OGDH: variants seen among roughly 807,000 people sequenced by gnomAD.
OGDH encodes oxoglutarate dehydrogenase, also known as 2-oxoglutarate dehydrogenase complex component E1.
Under a neutral mutation model 116.6 loss-of-function variants are expected in OGDH, and 38 were observed. The observed-to-expected ratio is 0.33, with a 90% confidence interval of 0.25 to 0.43. The LOEUF (loss-of-function observed/expected upper bound fraction) is 0.43, where lower values mean the gene tolerates loss of function less well. Ranked by LOEUF, OGDH falls within the 20% of genes least tolerant of loss-of-function variation. The probability of loss-of-function intolerance (pLI) is 1.00; values close to 1 mark genes in which losing one functional copy is unlikely to be tolerated. For missense variants in OGDH, 825 were observed against 1,357.2 expected (o/e 0.61, Z 6.16); for synonymous variants, 488 against 533.3 (o/e 0.92, Z 1.17).
chr7:44,654,777 C>T (rs1322862801), intron 4 of OGDH, among the ~76,000 whole-genome samples: 1 of 152,158 alleles, frequency 6.6e-6, no homozygotes, highest in Admixed American at 6.5e-5. Flanking sequence ...AACTGGTAAA[C>T]CGAGTCCCCT....
chr7:44,643,376 A>G (rs1786034980), intron 2 of OGDH, among the ~76,000 whole-genome samples: 1 of 152,198 alleles, frequency 6.6e-6, no homozygotes, highest in Non-Finnish European at 1.5e-5. Context: ...CATGCTTATT[A>G]TAGAATGTTT....
At chr7:44,644,953 A>G (rs1255842416) in intron 2 of OGDH, among the ~76,000 whole-genome samples, 2 of 152,202 alleles carry the variant, frequency 1.3e-5, no homozygotes, top group Non-Finnish European at 2.9e-5. Context: ...GGGAAGGCTG[A>G]GACAGTAAGT....
Position 44,691,979 on chromosome 7 carries a change from C to CT in OGDH, c.1336-1844dup, listed in dbSNP as rs1266680628. 2.0e-3 allele frequency among the ~76,000 whole-genome samples: 105 copies of CT among 52,320 alleles called. 1 individual carries two copies. Among genetic ancestry groups the CT allele is most frequent in the African/African-American group, 0.017 (99 of 5,680 alleles). 34.3% of individuals were successfully genotyped at this position (52,320 alleles called of 152,430 possible). A position where few individuals can be genotyped will look rare whatever the true frequency, so the allele number is the denominator to read the frequency against. On this transcript the variant is annotated intron_variant, in intron 10 of 22. Coordinates refer to ENST00000222673, the MANE Select transcript of OGDH (RefSeq NM_002541.4). ...CCTGGGAGTCACAATGAGACTCTGT[C>CT]TTAAAAAAAAAAAAAAAAAAAAAAA... is the stretch of plus-strand genomic sequence containing the variant.
At chr7:44,660,768 C>T (rs1027925630) in intron 4 of OGDH, among the ~76,000 whole-genome samples, 1 of 152,064 alleles carries the variant, frequency 6.6e-6, no homozygotes, top group Non-Finnish European at 1.5e-5. Flanking sequence ...CCACCACCAC[C>T]AACAACAAAA....
chr7:44,641,252 G>T (rs903787718), intron 2 of OGDH, among the ~76,000 whole-genome samples: 2 of 132,910 alleles, frequency 1.5e-5, no homozygotes, highest in Non-Finnish European at 3.1e-5. Context: ...TGGAAACAGG[G>T]TGTCACTCTG....
rs80047388 is a variant in OGDH at position 44,621,138 on chromosome 7, A to G, written c.-27-3179A>G. On this transcript the variant is annotated intron_variant, in intron 1 of 22. Transcript: ENST00000222673. ...ACCCAGGCTGGAGTGGAGTGGCACGATCATAGCTTACTGAAGCCTTGACCT... is the reference window on the plus strand; with the variant it reads ...ACCCAGGCTGGAGTGGAGTGGCACGGTCATAGCTTACTGAAGCCTTGACCT... Among the ~76,000 whole-genome samples the G allele has an allele frequency of 3.0e-3, 450 of 152,268 alleles. 2 individuals carry two copies. Among genetic ancestry groups the G allele is most frequent in the Non-Finnish European group, 4.5e-3 (309 of 68,012 alleles).
intron 4 of OGDH, among the ~76,000 whole-genome samples, chr7:44,652,962 C>G (rs1786519166): frequency 6.6e-6 from 1 of 152,130 alleles, no homozygotes; most frequent in Non-Finnish European, 1.5e-5. Flanking sequence ...ACACTAGAAC[C>G]AGAGTATTAT....
intron 1 of OGDH, among the ~76,000 whole-genome samples, chr7:44,616,670 C>T (rs1481386801): frequency 2.1e-5 from 3 of 142,822 alleles, no homozygotes; most frequent in Non-Finnish European, 4.5e-5. Flanking sequence ...TACGTATATA[C>T]GTATATATAC....
chr7:44,628,074 G>A (rs1676176741), intron 2 of OGDH, among the ~76,000 whole-genome samples: 1 of 152,176 alleles, frequency 6.6e-6, no homozygotes, highest in Non-Finnish European at 1.5e-5. Context: ...GACTGGTCAC[G>A]CAGCTTCAAC....
chr7:44,639,134 G>A (rs1473441030), intron 2 of OGDH, among the ~76,000 whole-genome samples: 1 of 152,200 alleles, frequency 6.6e-6, no homozygotes, highest in East Asian at 1.9e-4. Context: ...GGACAGGGAG[G>A]GCTCTGCAGG....
At chr7:44,699,068 G>A (rs536590902) in intron 18 of OGDH, among the ~76,000 whole-genome samples, 110 of 152,148 alleles carry the variant, frequency 7.2e-4, no homozygotes, top group African/African-American at 2.6e-3. Context: ...GCTTAAACCC[G>A]GGAAGCAGAG....
At chr7:44,692,239 A>G (rs960106741) in intron 10 of OGDH, among the ~76,000 whole-genome samples, 1 of 152,194 alleles carries the variant, frequency 6.6e-6, no homozygotes, top group Non-Finnish European at 1.5e-5. Flanking sequence ...GTTTACCACA[A>G]ATTGGAAACA....
rs148838683 is a variant in OGDH at position 44,631,699 on chromosome 7, G to A, written c.222+7134G>A. 2.5e-3 allele frequency among the ~76,000 whole-genome samples: 383 copies of A among 152,330 alleles called. 2 individuals are homozygous for A. Among genetic ancestry groups the A allele is most frequent in the African/African-American group, 8.8e-3 (367 of 41,562 alleles). On this transcript the variant is annotated intron_variant, in intron 2 of 22. Transcript: ENST00000222673. Reference sequence around the variant, plus strand: ...TTTGCAGCTCATGACAGCTGTGTTCGAAGCTTGTGCTGAGTGGCGGCTGCA... The same window carrying A: ...TTTGCAGCTCATGACAGCTGTGTTCAAAGCTTGTGCTGAGTGGCGGCTGCA...
Position 44,707,218 on chromosome 7 carries a change from C to A in OGDH, c.2633-7C>A. On this transcript the variant is annotated splice_polypyrimidine_tract_variant and splice_region_variant and intron_variant, in intron 20 of 22. Transcript: ENST00000222673. The surrounding 1 kb of genome is among the most constrained non-coding windows in gnomAD (Gnocchi z 5.2). ...GAACCAGCCTAGCCATGGGAACTCT[C>A]TTGTAGGAACCCACTTCCAGCGGGT... 6.2e-7 allele frequency: 1 copy of A among 1,613,848 alleles called. No individual in the cohort carries two copies. Among genetic ancestry groups the A allele is most frequent in the South Asian group, 1.1e-5 (1 of 91,066 alleles).
At chr7:44,654,741 A>G (rs966959337) in intron 4 of OGDH, among the ~76,000 whole-genome samples, 1 of 152,146 alleles carries the variant, frequency 6.6e-6, no homozygotes, top group Admixed American at 6.5e-5. Context: ...ACATTTGAGA[A>G]GATTCTTTGA....
intron 4 of OGDH, among the ~76,000 whole-genome samples, chr7:44,650,541 C>T (rs189677412): frequency 1.3e-5 from 2 of 152,292 alleles, no homozygotes; most frequent in East Asian, 3.9e-4. Flanking sequence ...AGTGGGCTTA[C>T]TAGCAATCTT....
chr7:44,701,862 G>A (rs1386629533), intron 20 of OGDH, among the ~76,000 whole-genome samples: 3 of 152,038 alleles, frequency 2.0e-5, no homozygotes, highest in East Asian at 1.9e-4. Flanking sequence ...ACCTGAGGTC[G>A]GGAGTTCGAG....
rs761404369 is a variant in OGDH at position 44,674,398 on chromosome 7, GT to G, written c.789-11del. The G allele has an allele frequency of 4.3e-6, 7 of 1,613,836 alleles. No homozygotes were observed. In the Admixed American group the frequency reaches 1.2e-4, roughly 27 times the overall value. On this transcript the variant is annotated splice_polypyrimidine_tract_variant and intron_variant, in intron 6 of 22. Coordinates refer to ENST00000222673, the MANE Select transcript of OGDH (RefSeq NM_002541.4). The stretch of plus-strand genomic sequence containing the variant: ...TGACATTGCCCTTCAAGGTGGCTTG[GT>G]TCCCTGTCCAGGTTTGAGGAGTTCC...
At chr7:44,666,989 C>G (rs1585321384) in intron 5 of OGDH, 138 bp downstream of exon 5, 1 of 589,778 alleles carries the variant, frequency 1.7e-6, no homozygotes, top group South Asian at 2.2e-5. Context: ...TTACTGTCAC[C>G]CAGGCTAGAA....
Sources: allele counts gnomAD v4.1 joint callset (sites outside exome capture counted in the v4.1 genomes callset), GRCh38; gene constraint gnomAD v4.1.1; non-coding constraint Gnocchi (gnomAD v3.1); transcripts MANE v1.5; gene names NCBI Gene and HGNC (gene_info 2026-07-23, HGNC 2026-07-21).